Variants in ZRANB3 observed in about 807,000 individuals in gnomAD.
ZRANB3 encodes zinc finger RANBP2-type containing 3, also known as DNA annealing helicase and endonuclease ZRANB3.
A neutral mutation model predicts 133.8 loss-of-function variants in ZRANB3; 125 were observed. The ratio of observed to expected loss-of-function variants is 0.93; its 90% confidence interval spans 0.81 to 1.08. ZRANB3 has a LOEUF of 1.08. ZRANB3 is among the 50% of genes least tolerant of loss of function. The probability of loss-of-function intolerance (pLI) is 0.00; values close to 1 mark genes in which losing one functional copy is unlikely to be tolerated. For synonymous variants in ZRANB3, 387 were observed against 432.7 expected, an observed-to-expected ratio of 0.89 and a Z score of 1.31; for missense variants, 1,229 against 1,275.5, an observed-to-expected ratio of 0.96 and a Z score of 0.56.
intron 12 of ZRANB3, among the ~76,000 whole-genome samples, chr2:135,248,991 T>C (rs1158782667): frequency 2.0e-5 from 3 of 152,104 alleles, no homozygotes; most frequent in Non-Finnish European, 4.4e-5. Context: ...AACAAGTATA[T>C]GAAGAAAAGT....
At chr2:135,282,689 T>C (rs543247244) in intron 8 of ZRANB3, among the ~76,000 whole-genome samples, 2 of 152,292 alleles carry the variant, frequency 1.3e-5, no homozygotes, top group South Asian at 4.1e-4. Context: ...TGCTGAAAAG[T>C]AGATGGGATA....
intron 6 of ZRANB3, among the ~76,000 whole-genome samples, chr2:135,338,175 A>G (rs182634377): frequency 6.7e-4 from 102 of 152,350 alleles, no homozygotes; most frequent in African/African-American, 2.4e-3. Flanking sequence ...TGGATCTAGC[A>G]TACAAAAAAA....
At chr2:135,427,159 C>A (rs2104977049) in intron 2 of ZRANB3, among the ~76,000 whole-genome samples, 1 of 151,696 alleles carries the variant, frequency 6.6e-6, no homozygotes, top group Middle Eastern at 3.4e-3. Context: ...CAGAGCAAGA[C>A]AAGATGCCCA....
chr2:135,408,938 C>A (rs186203651), intron 2 of ZRANB3, among the ~76,000 whole-genome samples: 332 of 151,916 alleles, frequency 2.2e-3, no homozygotes, highest in African/African-American at 5.7e-3. Context: ...AACTAACCTG[C>A]ACGTTGGCAG....
At chr2:135,466,911 G>A (rs116393977) in intron 2 of ZRANB3, among the ~76,000 whole-genome samples, 1,568 of 152,116 alleles carry the variant, frequency 0.01, 25 homozygotes, top group African/African-American at 0.036. Context: ...CACCTCCAAT[G>A]GCCTCCCATA....
chr2:135,445,913 T>G (rs2104998890), intron 2 of ZRANB3, among the ~76,000 whole-genome samples: 1 of 139,636 alleles, frequency 7.2e-6, no homozygotes, highest in Middle Eastern at 4.3e-3. Context: ...CAAAAAAAAT[T>G]GCATGACACG....
At chr2:135,317,899 T>C (rs926781319) in intron 6 of ZRANB3, among the ~76,000 whole-genome samples, 2 of 152,120 alleles carry the variant, frequency 1.3e-5, no homozygotes, top group African/African-American at 4.8e-5. Context: ...GTGGTGGCGT[T>C]TGTTCTAAAG....
intron 8 of ZRANB3, among the ~76,000 whole-genome samples, chr2:135,289,473 C>G (rs1341575544): frequency 6.6e-6 from 1 of 152,168 alleles, no homozygotes; most frequent in Admixed American, 6.5e-5. Context: ...CCAGGCCGGT[C>G]TTGAACTCCT....
intron 19 of ZRANB3, among the ~76,000 whole-genome samples, chr2:135,206,647 AAG>A (rs1693869646): frequency 1.3e-5 from 2 of 151,462 alleles, no homozygotes; most frequent in Admixed American, 1.3e-4. Context: ...ATTTAAAAGA[AAG>A]AGAGGAAAGG....
At chr2:135,467,962 G>A (rs1691071831) in intron 2 of ZRANB3, among the ~76,000 whole-genome samples, 1 of 152,152 alleles carries the variant, frequency 6.6e-6, no homozygotes, top group Admixed American at 6.5e-5. Flanking sequence ...TACATGTGTT[G>A]AATAAATGAG....
chr2:135,426,855 A>T (rs2104975960), intron 2 of ZRANB3, among the ~76,000 whole-genome samples: 1 of 63,228 alleles, frequency 1.6e-5, no homozygotes, highest in South Asian at 7.0e-4. Context: ...AAAAAAAAAA[A>T]AAAAAAAAAT....
chr2:135,468,475 C>T (rs1302787621), intron 2 of ZRANB3, among the ~76,000 whole-genome samples: 3 of 150,188 alleles, frequency 2.0e-5, no homozygotes, highest in Admixed American at 6.6e-5. Flanking sequence ...TCCACTGTGA[C>T]ATCTACACAA....
intron 8 of ZRANB3, among the ~76,000 whole-genome samples, chr2:135,285,160 CT>C (rs532098415): frequency 2.0e-5 from 3 of 152,072 alleles, no homozygotes; most frequent in Non-Finnish European, 4.4e-5. Context: ...GTTATTTCTT[CT>C]TTTTCTATGG....
chr2:135,198,304 T>G lies in ZRANB3; in HGVS notation c.*2038A>C, dbSNP rs1219465609. ...TAGATCAATCTCTATCTTTATTTTC[T>G]GTCTCAGAACCCTTCATCTCAATGT... On this transcript the variant is annotated 3_prime_UTR_variant, in exon 21 of 21. Transcript: ENST00000264159. 6.6e-6 allele frequency: 1 copy of G among 152,218 alleles called. No homozygotes were observed. Among genetic ancestry groups the G allele is most frequent in the East Asian group, 1.9e-4 (1 of 5,196 alleles). 9.4% of individuals were successfully genotyped at this position (152,218 alleles called of 1,614,324 possible). A position where few individuals can be genotyped will look rare whatever the true frequency, so the allele number is the denominator to read the frequency against.
In ZRANB3 at chr2:135,509,753, T is replaced by G. The variant is rs541097634; in HGVS notation, c.-7-5257A>C. Reference sequence around the variant, plus strand: ...TTAAAACCTATACCACAATATAAATTTCAATGGTAAAAACGGTAGGTTTTA... The same window carrying G: ...TTAAAACCTATACCACAATATAAATGTCAATGGTAAAAACGGTAGGTTTTA... On this transcript the variant is annotated intron_variant, in intron 1 of 20. Transcript: ENST00000264159. Among the ~76,000 whole-genome samples, 4 of 152,308 alleles carry G rather than the reference T, an allele frequency of 2.6e-5. No homozygotes were observed. The East Asian group carries it at 7.7e-4, about 29-fold the overall frequency.
At chr2:135,417,347 G>A (rs866073931) in intron 2 of ZRANB3, among the ~76,000 whole-genome samples, 1 of 151,706 alleles carries the variant, frequency 6.6e-6, no homozygotes, top group East Asian at 1.9e-4. Context: ...GCAGCCAAAA[G>A]ACACATGAAA....
intron 13 of ZRANB3, among the ~76,000 whole-genome samples, chr2:135,229,947 A>G (rs922230971): frequency 3.3e-5 from 5 of 152,212 alleles, no homozygotes; most frequent in African/African-American, 1.2e-4. Context: ...CTTTAAAATA[A>G]TATGTTTTAA....
intron 12 of ZRANB3, among the ~76,000 whole-genome samples, chr2:135,252,834 G>T (rs935486834): frequency 6.6e-6 from 1 of 152,156 alleles, no homozygotes; most frequent in Non-Finnish European, 1.5e-5. Context: ...GCATGCTGTT[G>T]GCTGTGGTGT....
intron 14 of ZRANB3, among the ~76,000 whole-genome samples, chr2:135,226,024 T>C (rs1694748535): frequency 6.6e-6 from 1 of 152,206 alleles, no homozygotes; most frequent in African/African-American, 2.4e-5. Flanking sequence ...CAGAGGATGA[T>C]GTGGCCTGGC....
Sources: gnomAD v4.1 joint callset for allele counts (sites outside exome capture counted in the v4.1 genomes callset) on GRCh38, gnomAD v4.1.1 for gene constraint, MANE v1.5 for transcripts, NCBI Gene and HGNC (gene_info 2026-07-23, HGNC 2026-07-21) for gene names.